The following C8A variants were observed in gnomAD, a reference collection of about 807,000 sequenced individuals.
C8A encodes complement component C8 alpha chain.
In C8A, 67 loss-of-function variants were observed where a neutral mutation model predicts 65.3. The observed-to-expected ratio is 1.03, with a 90% CI of 0.84 to 1.26. C8A has a LOEUF of 1.26. Among genes scored for constraint, C8A ranks in the 50% most tolerant of loss-of-function variants. The pLI is 0.00. For synonymous variants in C8A, 290 were observed against 259.4 expected, an observed-to-expected ratio of 1.12 and a Z score of -1.13; for missense variants, 781 against 723.9, an observed-to-expected ratio of 1.08 and a Z score of -0.90.
At chr1:56,876,808 A>G (rs1644203067) in intron 4 of C8A, among the ~76,000 whole-genome samples, 1 of 152,084 alleles carries the variant, frequency 6.6e-6, no homozygotes, top group African/African-American at 2.4e-5. Flanking sequence ...TGAATGCATC[A>G]CACTCTTTCC....
chr1:56,912,380 C>T (rs1410861891), intron 9 of C8A, 23 bp from the exon 10 acceptor site: 1 of 1,611,532 alleles, frequency 6.2e-7, no homozygotes, highest in Admixed American at 1.7e-5. Flanking sequence ...GGGAGGGGCC[C>T]TGTGTTCTTT....
intron 10 of C8A, among the ~76,000 whole-genome samples, chr1:56,914,479 T>C (rs1754539): frequency 0.1 from 15,595 of 152,070 alleles, 1,255 homozygotes; most frequent in African/African-American, 0.22. Flanking sequence ...AAATGCAAAA[T>C]TGAATTTAAA....
chr1:56,871,875 A>C (rs1644149729), intron 2 of C8A, among the ~76,000 whole-genome samples: 1 of 152,156 alleles, frequency 6.6e-6, no homozygotes, highest in Non-Finnish European at 1.5e-5. Context: ...TCTGATTTCG[A>C]ATAACATTAT....
intron 7 of C8A, among the ~76,000 whole-genome samples, chr1:56,893,038 A>G (rs1401404296): frequency 2.0e-5 from 3 of 152,116 alleles, no homozygotes; most frequent in Non-Finnish European, 4.4e-5. Flanking sequence ...CATATCAAAG[A>G]CAGTAGGCCC....
At chr1:56,900,926 C>A (rs1022262899) in intron 7 of C8A, among the ~76,000 whole-genome samples, 2 of 152,144 alleles carry the variant, frequency 1.3e-5, no homozygotes, top group Admixed American at 6.5e-5. Flanking sequence ...CAGGGATACA[C>A]TGGAACATAG....
At chr1:56,867,754 A>T in intron 2 of C8A, 52 bp downstream of exon 2, 1 of 1,317,670 alleles carries the variant, frequency 7.6e-7, no homozygotes, top group Non-Finnish European at 1.1e-6. Context: ...TATGTGTATT[A>T]GGCATTCAAA....
intron 2 of C8A, among the ~76,000 whole-genome samples, chr1:56,874,132 T>G (rs1369938038): frequency 6.6e-6 from 1 of 152,218 alleles, no homozygotes; most frequent in East Asian, 1.9e-4. Context: ...TACAACTTGA[T>G]GTCCACAGTT....
intron 7 of C8A, among the ~76,000 whole-genome samples, chr1:56,898,648 G>A (rs560357872): frequency 1.3e-5 from 2 of 152,096 alleles, no homozygotes; most frequent in South Asian, 4.1e-4. Flanking sequence ...GTGCTTCAGT[G>A]TACTCAGGAC....
At chr1:56,885,301 T>A (rs968310904) in intron 6 of C8A, among the ~76,000 whole-genome samples, 1 of 129,608 alleles carries the variant, frequency 7.7e-6, no homozygotes. Context: ...TATATATTTA[T>A]ATATATTTAC....
Position 56,898,761 on chromosome 1 carries a change from A to AGC in C8A, c.1097-7905_1097-7904insCG, listed in dbSNP as rs1644403853. Among the ~76,000 whole-genome samples, 5 of 152,262 alleles carry AGC rather than the reference A, an allele frequency of 3.3e-5. No homozygotes were observed. In the South Asian group the frequency reaches 1.0e-3, roughly 32 times the overall value. On this transcript the variant is annotated intron_variant, in intron 7 of 10. Coordinates refer to ENST00000361249, the MANE Select transcript of C8A (RefSeq NM_000562.3). ...CCATTGATTGAGCATGGCCCACAGC[A>AGC]GAGACTCAGCGTCTTTCTAGCTGGG...
rs115461368 is a variant in C8A, at chr1:56,906,074, T to C, written c.1097-593T>C. Among the ~76,000 whole-genome samples, 1,354 of 152,262 alleles carry C rather than the reference T, an allele frequency of 8.9e-3. 52 individuals are homozygous for C. The South Asian group carries it at 0.12, about 13-fold the overall frequency. On this transcript the variant is annotated intron_variant, in intron 7 of 10. Transcript: ENST00000361249. ...TTTCCATGGTGATCCATCCATCTTC[T>C]AGCAAGACTTTGGCCTCTCTGGGGC...
At chr1:56,858,074 T>A (rs1359528995) in intron 1 of C8A, among the ~76,000 whole-genome samples, 1 of 152,198 alleles carries the variant, frequency 6.6e-6, no homozygotes, top group Non-Finnish European at 1.5e-5. Flanking sequence ...GCTTTAAATG[T>A]CTCATTTGGT....
chr1:56,894,037 T>C (rs1644369285), intron 7 of C8A, among the ~76,000 whole-genome samples: 1 of 152,152 alleles, frequency 6.6e-6, no homozygotes, highest in Non-Finnish European at 1.5e-5. Flanking sequence ...AAATGTTACC[T>C]ATTATTGCTG....
chr1:56,881,481 G>A lies in C8A; in HGVS notation c.501G>A (p.Val167=). The A allele has an allele frequency of 1.2e-6, 2 of 1,613,768 alleles. No homozygotes were observed. Among genetic ancestry groups the A allele is most frequent in the Non-Finnish European group, 8.5e-7 (1 of 1,179,736 alleles). The stretch of plus-strand genomic sequence containing the variant: ...TGACCCAGGAAGATGCTCAGAGTGT[G>A]TACGATGCCAGTTATTATGGGGGCC... The part of the protein sequence containing the change: ...NILTQEDAQS[V]YDASYYGGQC... Residue 167 remains valine, a synonymous_variant, in exon 5 of 11, where the codon GTG becomes GTA. Transcript: ENST00000361249.
Position 56,907,963 on chromosome 1 carries a change from C to A in C8A, c.1230C>A (p.Ala410=). ...KKFGGGKTER[A]RKAMAVEDII... ...TTATCCTCTTGATGGCAGAAAGGGCCAGGAAGGCCATGGCTGTGGAAGACA... is the reference window on the plus strand; with the variant it reads ...TTATCCTCTTGATGGCAGAAAGGGCAAGGAAGGCCATGGCTGTGGAAGACA... The change falls in exon 9 of 11, where the codon GCC becomes GCA. Residue 410 remains alanine, a synonymous_variant. Transcript: ENST00000361249. 6.2e-7 allele frequency: 1 copy of A among 1,614,062 alleles called. No homozygotes were observed. The highest frequency in any genetic ancestry group is 1.7e-5 in the Admixed American group (1 of 60,006).
chr1:56,894,492 C>T (rs1262364394), intron 7 of C8A, among the ~76,000 whole-genome samples: 3 of 152,150 alleles, frequency 2.0e-5, no homozygotes, highest in Non-Finnish European at 2.9e-5. Flanking sequence ...AACAGTGACC[C>T]TGGGAAAGAC....
At chr1:56,916,065 G>C (rs1570357641) in intron 10 of C8A, among the ~76,000 whole-genome samples, 1 of 152,280 alleles carries the variant, frequency 6.6e-6, no homozygotes, top group East Asian at 1.9e-4. Context: ...GGGGAGTGTG[G>C]GCTACCCAGA....
intron 4 of C8A, among the ~76,000 whole-genome samples, chr1:56,877,775 G>A (rs901179102): frequency 6.6e-6 from 1 of 152,122 alleles, no homozygotes; most frequent in African/African-American, 2.4e-5. Flanking sequence ...ACCCAGCCCT[G>A]TTGCAGCCCA....
chr1:56,885,145 CA>C (rs1224900638), intron 6 of C8A, among the ~76,000 whole-genome samples: 1 of 151,360 alleles, frequency 6.6e-6, no homozygotes, highest in Non-Finnish European at 1.5e-5. Flanking sequence ...TTGACCTAGG[CA>C]GGGGCAATGG....
Sources: gnomAD v4.1 joint callset for allele counts (sites outside exome capture counted in the v4.1 genomes callset) on GRCh38, gnomAD v4.1.1 for gene constraint, MANE v1.5 for transcripts, NCBI Gene and HGNC (gene_info 2026-07-23, HGNC 2026-07-21) for gene names.